The following MAP2K1 variants were observed in gnomAD, a reference collection of about 807,000 sequenced individuals.
MAP2K1 encodes the protein dual specificity mitogen-activated protein kinase kinase 1.
Under a neutral mutation model 46.3 loss-of-function variants are expected in MAP2K1, and 16 were observed. The ratio of observed to expected loss-of-function variants is 0.35; its 90% CI spans 0.23 to 0.52. The LOEUF is 0.52. MAP2K1 is among the 20% of genes least tolerant of loss of function. The pLI, the probability that MAP2K1 is intolerant of heterozygous loss-of-function variation, is 0.94. For missense variants in MAP2K1, 263 were observed against 497.1 expected, an observed-to-expected ratio of 0.53 and a Z score of 4.48; for synonymous variants, 183 against 185.6, an observed-to-expected ratio of 0.99 and a Z score of 0.11.
chr15:66,410,500 A>G (rs531339969), intron 1 of MAP2K1, among the ~76,000 whole-genome samples: 2 of 152,358 alleles, frequency 1.3e-5, no homozygotes, highest in Non-Finnish European at 2.9e-5. Context: ...ATCTGAAATG[A>G]TAACACAATT....
intron 6 of MAP2K1, 76 bp downstream of exon 6, chr15:66,481,955 G>A: frequency 1.3e-6 from 2 of 1,550,164 alleles, no homozygotes; most frequent in Non-Finnish European, 1.8e-6. Context: ...CTTTCCTGTG[G>A]AGCCAGAGTC....
At chr15:66,392,554 C>CTTTTTT (rs71287024) in intron 1 of MAP2K1, among the ~76,000 whole-genome samples, 9 of 129,038 alleles carry the variant, frequency 7.0e-5, no homozygotes, top group African/African-American at 1.2e-4. Flanking sequence ...CTTTTCTTTT[C>CTTTTTT]TTTTTTTTTT....
At chr15:66,446,777 C>T in intron 5 of MAP2K1, 1 of 292,768 alleles carries the variant, frequency 3.4e-6, no homozygotes, top group East Asian at 8.8e-5. Context: ...CACAGCCTTC[C>T]ACATATTTCC....
chr15:66,420,343 G>A (rs1268587183), intron 1 of MAP2K1, among the ~76,000 whole-genome samples: 2 of 152,048 alleles, frequency 1.3e-5, no homozygotes, highest in African/African-American at 4.8e-5. Context: ...AAGGTGGGTG[G>A]ACCACTTGAG....
intron 5 of MAP2K1, among the ~76,000 whole-genome samples, chr15:66,449,230 A>G (rs963190762): frequency 6.6e-6 from 1 of 152,172 alleles, no homozygotes; most frequent in Non-Finnish European, 1.5e-5. Context: ...AAGCAACAAA[A>G]ATATTATTAT....
intron 5 of MAP2K1, among the ~76,000 whole-genome samples, chr15:66,466,921 C>T (rs909405150): frequency 3.3e-5 from 5 of 152,086 alleles, no homozygotes; most frequent in Admixed American, 3.3e-4. Context: ...TTAAAGTTAT[C>T]AGAAGCCTGT....
intron 1 of MAP2K1, among the ~76,000 whole-genome samples, chr15:66,417,759 C>T (rs2093427990): frequency 6.6e-6 from 1 of 151,982 alleles, no homozygotes; most frequent in Admixed American, 6.6e-5. Context: ...GGAGAAGGGT[C>T]CAGCTGTAAC....
intron 5 of MAP2K1, among the ~76,000 whole-genome samples, chr15:66,457,756 G>A (rs7172607): frequency 0.2 from 30,334 of 151,834 alleles, 3,126 homozygotes; most frequent in East Asian, 0.38. Flanking sequence ...CAGGTCAGGG[G>A]TTCGAGACCA....
intron 1 of MAP2K1, among the ~76,000 whole-genome samples, chr15:66,413,280 A>G (rs1350987079): frequency 6.6e-6 from 1 of 152,214 alleles, no homozygotes; most frequent in East Asian, 1.9e-4. Context: ...GCTGGTGTCT[A>G]GGACCATCTT....
At chr15:66,407,442 T>G (rs751625588) in intron 1 of MAP2K1, among the ~76,000 whole-genome samples, 16 of 152,204 alleles carry the variant, frequency 1.1e-4, no homozygotes, top group Non-Finnish European at 1.9e-4. Context: ...AAGTGTGAGA[T>G]CTGAGCTCTT....
chr15:66,443,386 A>G, intron 4 of MAP2K1, 29 bp downstream of exon 4: 1 of 1,349,732 alleles, frequency 7.4e-7, no homozygotes, highest in Non-Finnish European at 1.1e-6. Flanking sequence ...TTTTCTTCTA[A>G]GTTCCTCATT....
chr15:66,439,927 C>T (rs2093498977), intron 3 of MAP2K1, among the ~76,000 whole-genome samples: 1 of 131,378 alleles, frequency 7.6e-6, no homozygotes, highest in Admixed American at 7.8e-5. Flanking sequence ...AAGAGCAAAA[C>T]TCCATCTCAA....
intron 1 of MAP2K1, among the ~76,000 whole-genome samples, chr15:66,392,554 CTT>C (rs71287024): frequency 1.2e-4 from 15 of 129,018 alleles, no homozygotes; most frequent in Admixed American, 2.3e-4. Context: ...CTTTTCTTTT[CTT>C]TTTTTTTTTT....
intron 1 of MAP2K1, among the ~76,000 whole-genome samples, chr15:66,413,911 C>CTTTTT (rs10649963): frequency 9.0e-6 from 1 of 111,518 alleles, no homozygotes; most frequent in Non-Finnish European, 1.8e-5. Flanking sequence ...TCTTCTTCTT[C>CTTTTT]TTTTTTTTTT....
chr15:66,489,335 C>A (rs1893160078), intron 9 of MAP2K1, 59 bp downstream of exon 9: 2 of 1,480,624 alleles, frequency 1.4e-6, no homozygotes, highest in Non-Finnish European at 1.9e-6. Context: ...GCTCCCCACC[C>A]CATTTCTGGA....
Position 66,490,602 on chromosome 15 carries a change from C to T in MAP2K1, c.1169C>T (p.Ala390Val), listed in dbSNP as rs1269249292. Residue 390 changes from alanine to valine, a missense_variant, in exon 11 of 11, where the codon GCT becomes GTT. Physicochemically the swap from Ala to Val is moderately conservative, Grantham distance 64. This residue lies in a region of MAP2K1 where 118 missense variants were observed against 193.0 expected (regional missense o/e 0.61). Coordinates refer to ENST00000307102, the MANE Select transcript of MAP2K1 (RefSeq NM_002755.4). ...GLNQPSTPTHAAGV is the reference protein window; with the variant it reads ...GLNQPSTPTHVAGV Reference sequence around the variant, plus strand: ...AACCAGCCCAGCACACCAACCCATGCTGCTGGCGTCTAAGTGTTTGGGAAG... The same window carrying T: ...AACCAGCCCAGCACACCAACCCATGTTGCTGGCGTCTAAGTGTTTGGGAAG... 1 of 1,613,860 alleles carries T rather than the reference C, an allele frequency of 6.2e-7. No homozygotes were observed. The highest frequency in any genetic ancestry group is 8.5e-7 in the Non-Finnish European group (1 of 1,179,838).
intron 5 of MAP2K1, among the ~76,000 whole-genome samples, chr15:66,462,562 A>G (rs1165232783): frequency 2.0e-5 from 3 of 151,624 alleles, no homozygotes; most frequent in Non-Finnish European, 2.9e-5. Flanking sequence ...TGATGGGTAC[A>G]TGGTTACTGT....
intron 1 of MAP2K1, among the ~76,000 whole-genome samples, chr15:66,404,298 G>A (rs377307007): frequency 4.6e-5 from 7 of 152,264 alleles, no homozygotes; most frequent in Admixed American, 2.0e-4. Flanking sequence ...GTTGCAGTGA[G>A]CGGAGATCGC....
intron 5 of MAP2K1, among the ~76,000 whole-genome samples, chr15:66,475,595 C>A (rs1252542654): frequency 1.3e-5 from 2 of 152,162 alleles, no homozygotes; most frequent in African/African-American, 4.8e-5. Flanking sequence ...TAGCCTAAAC[C>A]AAACAAAATG....
Sources: gnomAD v4.1 joint callset for allele counts (sites outside exome capture counted in the v4.1 genomes callset) on GRCh38, gnomAD v4.1.1 for gene constraint, gnomAD v4.1.1 regional missense constraint, MANE v1.5 for transcripts, NCBI Gene and HGNC (gene_info 2026-07-23, HGNC 2026-07-21) for gene names.